The following STK36 variants were observed in gnomAD, a reference collection of about 807,000 sequenced individuals.
The protein encoded by STK36 is serine/threonine-protein kinase 36.
Under a neutral mutation model 142.2 loss-of-function variants are expected in STK36, and 116 were observed. That is an observed-to-expected ratio of 0.82 (90% CI 0.70 to 0.95). The LOEUF is 0.95. Ranked by LOEUF, STK36 falls within the 40% of genes least tolerant of loss-of-function variation. The pLI, the probability that STK36 is intolerant of heterozygous loss-of-function variation, is 0.00. For missense variants in STK36, 1,422 were observed against 1,617.2 expected (o/e 0.88, Z 2.07); for synonymous variants, 619 against 641.7 (o/e 0.96, Z 0.53).
chr2:218,677,190 C>A (rs1164047598), intron 6 of STK36, among the ~76,000 whole-genome samples: 4 of 152,234 alleles, frequency 2.6e-5, no homozygotes, highest in African/African-American at 9.6e-5. Flanking sequence ...GCCTTGGCCT[C>A]CCAAAGTGCT....
intron 14 of STK36, among the ~76,000 whole-genome samples, chr2:218,691,483 A>G (rs1215242381): frequency 6.6e-6 from 1 of 152,096 alleles, no homozygotes; most frequent in Non-Finnish European, 1.5e-5. Context: ...GGAGTTTGGA[A>G]TAATTACCTC....
Position 218,698,865 on chromosome 2 carries a change from T to C in STK36, c.3321T>C (p.Ser1107=). Residue 1107 remains serine, a synonymous_variant, in exon 26 of 27, where the codon TCT becomes TCC. Transcript: ENST00000295709. ...LSFIQELLAG[S]DESYRPLRSL... ...TTATCCAAGAGCTTCTGGCTGGCTC[T>C]GATGAATCCTATCGGCCCCTGCGCA... 1 of 1,614,212 alleles carries C rather than the reference T, an allele frequency of 6.2e-7. No individual in the cohort carries two copies. The highest frequency in any genetic ancestry group is 8.5e-7 in the Non-Finnish European group (1 of 1,180,024).
At chr2:218,685,033 T>C in intron 10 of STK36, 52 bp from the exon 11 acceptor site, 7 of 1,604,418 alleles carry the variant, frequency 4.4e-6, no homozygotes, top group Non-Finnish European at 6.0e-6. Flanking sequence ...TGGGATCTAC[T>C]ACCTTAGACT....
chr2:218,685,332 G>A, intron 11 of STK36, 104 bp downstream of exon 11: 1 of 1,463,072 alleles, frequency 6.8e-7, no homozygotes, highest in Admixed American at 1.9e-5. Context: ...TCCTTTTCCA[G>A]TTCTTCAGTC....
At position 218,679,644 on chromosome 2, in the gene STK36, A is replaced by G. The variant is rs1050801193; in HGVS notation, c.863A>G (p.Gln288Arg). The change falls in exon 8 of 27, where the codon CAG becomes CGG. Residue 288 changes from glutamine (Q) to arginine (R), a missense_variant. By Grantham distance (43) the Gln-to-Arg change is conservative. Transcript: ENST00000295709. Reference protein sequence around the residue: ...PPELQVLKDEQAHRLAPKGNQ... With the variant: ...PPELQVLKDERAHRLAPKGNQ... ...GAACTTCAGGTCCTAAAGGACGAAC[A>G]GGCCCATCGGTTGGCCCCCAAGGGT... The G allele has an allele frequency of 6.2e-7, 1 of 1,614,086 alleles. No homozygotes were observed. Among genetic ancestry groups the G allele is most frequent in the African/African-American group, 1.3e-5 (1 of 74,920 alleles).
Position 218,701,868 on chromosome 2 carries a change from A to G in STK36, c.3807A>G (p.Val1269=). The change falls in exon 27 of 27, where the codon GTA becomes GTG. Residue 1269 remains valine, a splice_region_variant and synonymous_variant. Transcript: ENST00000295709. ...ATCATCTGTTCTCTATCCTACAGGT[A>G]CTGGTGTCCCTGGGTGCCAGTGAGA... The part of the protein sequence containing the change: ...SLQQEPGIHQ[V]LVSLGASEKL... 2 of 1,614,044 alleles carry G rather than the reference A, an allele frequency of 1.2e-6. No homozygotes were observed. The highest frequency in any genetic ancestry group is 2.2e-5 in the South Asian group (2 of 91,074).
At chr2:218,682,144 C>G (rs1215200671) in intron 10 of STK36, among the ~76,000 whole-genome samples, 2 of 152,146 alleles carry the variant, frequency 1.3e-5, no homozygotes, top group Non-Finnish European at 2.9e-5. Context: ...CTAGGCTGGT[C>G]TCAAACTCCT....
intron 10 of STK36, among the ~76,000 whole-genome samples, chr2:218,681,876 C>T (rs952779099): frequency 3.3e-5 from 5 of 152,208 alleles, no homozygotes; most frequent in African/African-American, 1.2e-4. Context: ...GTTTCTAACA[C>T]GTGAGTTTTG....
rs1354845772 is a variant in STK36, at chr2:218,697,460, C to T, written c.2762-3C>T. ...ATTGGGTCTCCATTTTTGGTGTTAC[C>T]AGGCATGGCAGCCCTGCTGAGCCTG... On this transcript the variant is annotated splice_polypyrimidine_tract_variant and splice_region_variant and intron_variant, in intron 23 of 26. Transcript: ENST00000295709. 1 of 1,612,966 alleles carries T rather than the reference C, an allele frequency of 6.2e-7. No homozygotes were observed. Among genetic ancestry groups the T allele is most frequent in the Non-Finnish European group, 8.5e-7 (1 of 1,179,702 alleles).
rs779556469 is a variant in STK36, at chr2:218,684,414, C to CTTTT, written c.1237-650_1237-647dup. ...ATAGGCGTGAGCTACTGCGCCTGGCCTTTTTTTTTTTTTTTTTTTTTTTTG... is the reference window on the plus strand; with the variant it reads ...ATAGGCGTGAGCTACTGCGCCTGGCCTTTTTTTTTTTTTTTTTTTTTTTTTTTTG... On this transcript the variant is annotated intron_variant, in intron 10 of 26. Coordinates refer to ENST00000295709, the MANE Select transcript of STK36 (RefSeq NM_015690.5). Among the ~76,000 whole-genome samples the CTTTT allele has an allele frequency of 2.9e-3, 142 of 49,348 alleles. 18 individuals are homozygous for CTTTT. The highest frequency in any genetic ancestry group is 5.5e-3 in the East Asian group (8 of 1,462). The allele number at this position is 49,348 out of a possible 152,430, so 32.4% of individuals were successfully genotyped here. A position where few individuals can be genotyped will look rare whatever the true frequency, so the allele number is the denominator to read the frequency against.
intron 10 of STK36, among the ~76,000 whole-genome samples, chr2:218,682,466 T>C (rs2106350835): frequency 6.6e-6 from 1 of 152,324 alleles, no homozygotes; most frequent in Non-Finnish European, 1.5e-5. Flanking sequence ...GATATAATAC[T>C]GTTATAATAG....
rs1371361822 is a variant in STK36 at position 218,698,906 on chromosome 2, C to T, written c.3362C>T (p.Pro1121Leu). The T allele has an allele frequency of 2.5e-6, 4 of 1,614,170 alleles. No individual in the cohort carries two copies. Among genetic ancestry groups the T allele is most frequent in the Non-Finnish European group, 3.4e-6 (4 of 1,180,016 alleles). The change falls in exon 26 of 27, where the codon CCA becomes CTA. Residue 1121 changes from proline (P) to leucine (L), a missense_variant. Pro to Leu is a moderately conservative substitution (Grantham distance 98, BLOSUM62 -3). This residue lies in a region of STK36 where 962 missense variants were observed against 1,167.5 expected (regional missense o/e 0.82). Transcript: ENST00000295709. ...CCCCTGCGCAGCCTCCTGGGCCACC[C>T]AGAGAATTCTGTGCGGGCACACACT... is the stretch of plus-strand genomic sequence containing the variant. ...YRPLRSLLGH[P>L]ENSVRAHTYR...
intron 10 of STK36, among the ~76,000 whole-genome samples, chr2:218,684,106 C>CTTTTTTT (rs35807157): frequency 9.5e-6 from 1 of 105,186 alleles, no homozygotes; most frequent in Non-Finnish European, 1.9e-5. Flanking sequence ...GCCTCACGAT[C>CTTTTTTT]TTTTTTTTTT....
chr2:218,685,245 C>G lies in STK36; in HGVS notation c.1380+17C>G, dbSNP rs928941934. The stretch of plus-strand genomic sequence containing the variant: ...GGAGGGCAGGTAATGGGGAGAAAGA[C>G]ACTGTGGATGGGATCAAGACTGTTT... On this transcript the variant is annotated intron_variant, in intron 11 of 26. Coordinates refer to ENST00000295709, the MANE Select transcript of STK36 (RefSeq NM_015690.5). The G allele has an allele frequency of 6.2e-7, 1 of 1,614,078 alleles. No individual in the cohort carries two copies. Among genetic ancestry groups the G allele is most frequent in the Middle Eastern group, 1.6e-4 (1 of 6,062 alleles).
chr2:218,688,708 C>T lies in STK36; in HGVS notation c.1392C>T (p.Gly464=). The change falls in exon 12 of 27, where the codon GGC becomes GGT. Residue 464 remains glycine, a synonymous_variant. Coordinates refer to ENST00000295709, the MANE Select transcript of STK36 (RefSeq NM_015690.5). ...LHEAGGQILK[G]ILEGASHILP... ...CTCATGTCACCCAGATCCTGAAAGG[C>T]ATCTTGGAGGGTGCTTCCCACATCC... The T allele has an allele frequency of 6.2e-7, 1 of 1,611,536 alleles. No homozygotes were observed. Among genetic ancestry groups the T allele is most frequent in the Non-Finnish European group, 8.5e-7 (1 of 1,179,204 alleles).
Position 218,694,498 on chromosome 2 carries a change from C to A in STK36, c.2401-27C>A. On this transcript the variant is annotated intron_variant, in intron 20 of 26. Coordinates refer to ENST00000295709, the MANE Select transcript of STK36 (RefSeq NM_015690.5). This position sits in a 1 kb window ranked among gnomAD's most constrained non-coding sequence, Gnocchi z 4.4. ...TGAATGCCATTTAGATTTGGACATT[C>A]TTTCTCCTCTTTTACCTCTCCCACA... 1 of 1,606,296 alleles carries A rather than the reference C, an allele frequency of 6.2e-7. No individual in the cohort carries two copies. The highest frequency in any genetic ancestry group is 1.1e-5 in the South Asian group (1 of 90,900).
intron 4 of STK36, 70 bp from the exon 5 acceptor site, chr2:218,675,273 A>G (rs1940181338): frequency 6.5e-7 from 1 of 1,545,992 alleles, no homozygotes; most frequent in Non-Finnish European, 8.8e-7. Context: ...ATTAAGAGAA[A>G]TTTTTGGGCT....
Position 218,697,930 on chromosome 2 carries a change from A to G in STK36, c.2986A>G (p.Met996Val), listed in dbSNP as rs745976524. 48 of 1,614,032 alleles carry G rather than the reference A, an allele frequency of 3.0e-5. No homozygotes were observed. Among genetic ancestry groups the G allele is most frequent in the East Asian group, 2.5e-4 (11 of 44,890 alleles). The change falls in exon 25 of 27, where the codon ATG becomes GTG. Residue 996 changes from methionine to valine, a missense_variant. This residue lies in a region of STK36 where 962 missense variants were observed against 1,167.5 expected (regional missense o/e 0.82). Coordinates refer to ENST00000295709, the MANE Select transcript of STK36 (RefSeq NM_015690.5). ...CCTTTGCTTCCCCTTTGCGCTGGAC[A>G]TGGATGCTGACCTCCTTATAGGTGT... ...QLLCFPFALD[M>V]DADLLIGVLA...
At chr2:218,675,943 G>C in intron 5 of STK36, 86 bp from the exon 6 acceptor site, 1 of 1,548,586 alleles carries the variant, frequency 6.5e-7, no homozygotes, top group Non-Finnish European at 8.8e-7. Context: ...CCTCTGCTCC[G>C]GTTTGGGATA....
Sources: gnomAD v4.1 joint callset for allele counts (sites outside exome capture counted in the v4.1 genomes callset) on GRCh38, gnomAD v4.1.1 for gene constraint, gnomAD v4.1.1 regional missense constraint, Gnocchi (gnomAD v3.1) non-coding constraint, MANE v1.5 for transcripts, NCBI Gene and HGNC (gene_info 2026-07-23, HGNC 2026-07-21) for gene names.